Variants in GPC3 observed in about 807,000 individuals in gnomAD.
GPC3 encodes glypican-3.
A neutral mutation model predicts 34.4 loss-of-function variants in GPC3; 3 were observed. The ratio of observed to expected loss-of-function variants is 0.09; its 90% CI spans 0.04 to 0.23. The LOEUF (loss-of-function observed/expected upper bound fraction) is 0.23. GPC3 is among the 10% of genes least tolerant of loss of function. The pLI, the probability that GPC3 is intolerant of heterozygous loss-of-function variation, is 1.00. For missense variants in GPC3, 351 were observed against 445.6 expected (o/e 0.79, Z 1.91); for synonymous variants, 177 against 174.0 (o/e 1.02, Z -0.13).
In GPC3 at chrX:133,753,866, C is replaced by G. The variant is rs752516966; in HGVS notation, c.648G>C (p.Met216Ile). 7.4e-5 allele frequency: 89 copies of G among 1,209,855 alleles called. No homozygotes were observed. Among genetic ancestry groups the G allele is most frequent in the Admixed American group, 1.5e-4 (7 of 45,774 alleles). Residue 216 changes from methionine to isoleucine, a missense_variant, in exon 3 of 8, where the codon ATG becomes ATC. Met to Ile is a conservative substitution (Grantham distance 10). Transcript: ENST00000370818. ...CTTGCAGTGACTTGGAAACCTGGGT[C>G]ATAATAAGCTTGGGGAAATTCCCAA... ...KVFGNFPKLI[M>I]TQVSKSLQVT... is the part of the protein sequence containing the mutation.
chrX:133,641,293 T>C (rs2070478508), intron 6 of GPC3, among the ~76,000 whole-genome samples: 1 of 109,781 alleles, frequency 9.1e-6, no homozygotes. Context: ...CTGGCCAACA[T>C]GGCGAAACCC....
intron 2 of GPC3, among the ~76,000 whole-genome samples, chrX:133,864,180 G>A (rs1230440127): frequency 4.5e-5 from 5 of 111,019 alleles, no homozygotes; most frequent in African/African-American, 6.6e-5. Flanking sequence ...AATAAGAACA[G>A]TTGAGATAAT....
chrX:133,756,968 T>C (rs2071731242), intron 2 of GPC3, among the ~76,000 whole-genome samples: 1 of 112,395 alleles, frequency 8.9e-6, no homozygotes, highest in Non-Finnish European at 1.9e-5. Flanking sequence ...TTTCATGAAA[T>C]GAAATCAAGG....
At chrX:133,936,326 A>G (rs2076323657) in intron 2 of GPC3, among the ~76,000 whole-genome samples, 2 of 110,179 alleles carry the variant, frequency 1.8e-5, no homozygotes, top group Non-Finnish European at 3.8e-5. Context: ...AGATTTAGGT[A>G]AGATTAGAAT....
chrX:133,647,852 T>TA (rs2070559591), intron 6 of GPC3, among the ~76,000 whole-genome samples: 2 of 112,011 alleles, frequency 1.8e-5, no homozygotes, highest in South Asian at 7.5e-4. Flanking sequence ...GAATTCTGAC[T>TA]AAAAAAAAGT....
rs181870797 is a variant in GPC3, at chrX:133,739,173, G to C, written c.1032+14309C>G. ...TCCACTGGGAGTCAGGCATCCACTG[G>C]GTGTCTTGGAACATATCTCTCTGTG... On this transcript the variant is annotated intron_variant, in intron 3 of 7. Coordinates refer to ENST00000370818, the MANE Select transcript of GPC3 (RefSeq NM_004484.4). Among the ~76,000 whole-genome samples, 14 of 111,128 alleles carry C rather than the reference G, an allele frequency of 1.3e-4. No individual in the cohort carries two copies. In the East Asian group the frequency reaches 4.0e-3, roughly 32 times the overall value.
intron 7 of GPC3, among the ~76,000 whole-genome samples, chrX:133,557,364 T>C (rs1353234117): frequency 9.0e-6 from 1 of 111,254 alleles, no homozygotes; most frequent in Non-Finnish European, 1.9e-5. Flanking sequence ...ATTTTCAACA[T>C]CTGATGAATC....
rs1309885508 is a variant in GPC3, at chrX:133,902,621, G to A, written c.337+50429C>T. 2.7e-5 allele frequency among the ~76,000 whole-genome samples: 3 copies of A among 111,590 alleles called. No homozygotes were observed. The South Asian group carries it at 1.1e-3, about 42-fold the overall frequency. ...ACCTGTAATCCCAGCTACTTGGGAG[G>A]CTAAGGCACGAGAATCACTTGAACC... On this transcript the variant is annotated intron_variant, in intron 2 of 7. Coordinates refer to ENST00000370818, the MANE Select transcript of GPC3 (RefSeq NM_004484.4).
At chrX:133,678,456 C>T (rs762788994) in intron 5 of GPC3, among the ~76,000 whole-genome samples, 2 of 111,568 alleles carry the variant, frequency 1.8e-5, no homozygotes, top group African/African-American at 6.5e-5. Context: ...TAAACCCCCA[C>T]GACTGCATCT....
chrX:133,717,149 A>C lies in GPC3; in HGVS notation c.1033-17121T>G, dbSNP rs775518577. Reference sequence around the variant, plus strand: ...GCTAATTTTTGTATTTTTGGTAGAGATGGGGTTTCACCATGTTGGCCAGGC... The same window carrying C: ...GCTAATTTTTGTATTTTTGGTAGAGCTGGGGTTTCACCATGTTGGCCAGGC... On this transcript the variant is annotated intron_variant, in intron 3 of 7. Coordinates refer to ENST00000370818, the MANE Select transcript of GPC3 (RefSeq NM_004484.4). 1.4e-4 allele frequency among the ~76,000 whole-genome samples: 15 copies of C among 109,862 alleles called. No individual in the cohort carries two copies. The East Asian group carries it at 4.3e-3, about 32-fold the overall frequency.
chrX:133,901,875 G>A (rs1029434891), intron 2 of GPC3, among the ~76,000 whole-genome samples: 4 of 112,098 alleles, frequency 3.6e-5, no homozygotes, highest in South Asian at 7.5e-4. Flanking sequence ...GTTTTTCCCC[G>A]TTGGAATTAC....
chrX:133,773,272 TA>T (rs1248964546), intron 2 of GPC3, among the ~76,000 whole-genome samples: 2 of 111,014 alleles, frequency 1.8e-5, no homozygotes, highest in Non-Finnish European at 3.8e-5. Flanking sequence ...TTATTTTTAT[TA>T]AAAGAGTGCA....
At chrX:133,822,568 G>T (rs898191549) in intron 2 of GPC3, among the ~76,000 whole-genome samples, 3 of 111,306 alleles carry the variant, frequency 2.7e-5, no homozygotes, top group Non-Finnish European at 5.6e-5. Flanking sequence ...AATTAAAACT[G>T]ATCATAGATG....
At chrX:133,775,034 C>T (rs2071964219) in intron 2 of GPC3, among the ~76,000 whole-genome samples, 2 of 111,925 alleles carry the variant, frequency 1.8e-5, no homozygotes, top group Admixed American at 1.9e-4. Flanking sequence ...TGTGTTAACA[C>T]TGTCAGTCAG....
intron 2 of GPC3, among the ~76,000 whole-genome samples, chrX:133,830,843 T>C (rs997759137): frequency 3.6e-5 from 4 of 110,011 alleles, no homozygotes; most frequent in Non-Finnish European, 7.6e-5. Flanking sequence ...TAAAAACTTT[T>C]GCTCTGAGAA....
At chrX:133,793,146 G>C (rs2072184622) in intron 2 of GPC3, among the ~76,000 whole-genome samples, 1 of 111,388 alleles carries the variant, frequency 9.0e-6, no homozygotes, top group Non-Finnish European at 1.9e-5. Context: ...GCTGCTCCAA[G>C]AAATTTATCA....
chrX:133,836,649 A>G (rs1306932158), intron 2 of GPC3, among the ~76,000 whole-genome samples: 4 of 112,394 alleles, frequency 3.6e-5, no homozygotes, highest in Non-Finnish European at 7.5e-5. Flanking sequence ...GTCACAAGCC[A>G]AATTATGGTG....
Position 133,915,625 on chromosome X carries a change from A to T in GPC3, c.337+37425T>A, listed in dbSNP as rs148677204. On this transcript the variant is annotated intron_variant, in intron 2 of 7. Coordinates refer to ENST00000370818, the MANE Select transcript of GPC3 (RefSeq NM_004484.4). ...ACTCCCCATCAGGGGTTTCTGGCTT[A>T]GTGTTACCTGTGGATGTCTAAGCAA... 5.9e-3 allele frequency among the ~76,000 whole-genome samples: 662 copies of T among 112,806 alleles called. 4 individuals are homozygous for T. The highest frequency in any genetic ancestry group is 0.01 in the Non-Finnish European group (551 of 53,368).
At chrX:133,629,543 G>A (rs1232859487) in intron 6 of GPC3, among the ~76,000 whole-genome samples, 1 of 109,099 alleles carries the variant, frequency 9.2e-6, no homozygotes, top group Non-Finnish European at 1.9e-5. Context: ...CTACGGGCAC[G>A]CATCACCATG....
Sources: gnomAD v4.1 joint callset for allele counts (sites outside exome capture counted in the v4.1 genomes callset) on GRCh38, gnomAD v4.1.1 for gene constraint, MANE v1.5 for transcripts, NCBI Gene and HGNC (gene_info 2026-07-23, HGNC 2026-07-21) for gene names.